NLRP1: variants seen among roughly 807,000 people sequenced by gnomAD.
NLRP1 encodes the protein NACHT, LRR and PYD domains-containing protein 1.
Under a neutral mutation model 136.7 loss-of-function variants are expected in NLRP1, and 94 were observed. That is an observed-to-expected ratio of 0.69 (90% CI 0.58 to 0.82). The LOEUF is 0.82. Among genes scored for constraint, NLRP1 ranks in the 40% least tolerant of loss-of-function variants. The pLI, the probability that NLRP1 is intolerant of heterozygous loss-of-function variation, is 0.00. For synonymous variants in NLRP1, 690 were observed against 725.1 expected, an observed-to-expected ratio of 0.95 and a Z score of 0.78; for missense variants, 1,575 against 1,802.7, an observed-to-expected ratio of 0.87 and a Z score of 2.29.
Position 5,558,195 on chromosome 17 carries a change from G to A in NLRP1, c.2357+144C>T, listed in dbSNP as rs1597457968. The stretch of plus-strand genomic sequence containing the variant: ...GTAGACAGAGCATGGTGGTCAGATT[G>A]GGCAGTTAGAAGTCACTGGAGACCC... On this transcript the variant is annotated intron_variant, in intron 4 of 16. Coordinates refer to ENST00000572272, the MANE Select transcript of NLRP1 (RefSeq NM_033004.4). 12 of 771,474 alleles carry A rather than the reference G, an allele frequency of 1.6e-5. No homozygotes were observed. The East Asian group carries it at 2.8e-4, about 18-fold the overall frequency. 47.8% of individuals were successfully genotyped at this position (771,474 alleles called of 1,614,324 possible). A position where few individuals can be genotyped will look rare whatever the true frequency, so the allele number is the denominator to read the frequency against.
chr17:5,580,616 G>A (rs1597489545), intron 3 of NLRP1, among the ~76,000 whole-genome samples: 1 of 152,134 alleles, frequency 6.6e-6, no homozygotes, highest in South Asian at 2.1e-4. Flanking sequence ...ATAGCAATGA[G>A]GTAGTCTTTG....
chr17:5,568,535 A>C (rs969814134), intron 3 of NLRP1, among the ~76,000 whole-genome samples: 2 of 152,154 alleles, frequency 1.3e-5, no homozygotes, highest in African/African-American at 2.4e-5. Flanking sequence ...AAGGTCACAT[A>C]TCTCTCTTTC....
At chr17:5,558,269 C>G in intron 4 of NLRP1, 70 bp downstream of exon 4, 2 of 1,503,650 alleles carry the variant, frequency 1.3e-6, no homozygotes, top group Non-Finnish European at 1.8e-6. Flanking sequence ...GAGCATGCCT[C>G]TGGTGCTCAG....
chr17:5,568,330 T>A (rs1915536970), intron 3 of NLRP1, among the ~76,000 whole-genome samples: 2 of 152,202 alleles, frequency 1.3e-5, no homozygotes, highest in Non-Finnish European at 2.9e-5. Context: ...GCTGGATCCA[T>A]TCTGCTATGA....
chr17:5,572,775 T>G (rs1904546835), intron 3 of NLRP1, among the ~76,000 whole-genome samples: 1 of 150,154 alleles, frequency 6.7e-6, no homozygotes, highest in Admixed American at 6.6e-5. Flanking sequence ...GACATACACA[T>G]GGCCAACAGC....
intron 5 of NLRP1, among the ~76,000 whole-genome samples, chr17:5,548,168 G>T (rs1323654670): frequency 6.6e-6 from 1 of 152,194 alleles, no homozygotes; most frequent in Admixed American, 6.5e-5. Flanking sequence ...GCCATTTGAA[G>T]ATCTTGCCTT....
intron 12 of NLRP1, among the ~76,000 whole-genome samples, chr17:5,527,938 G>A (rs34042511): frequency 0.37 from 55,786 of 152,122 alleles, 10,661 homozygotes; most frequent in Admixed American, 0.42. Flanking sequence ...ATCCACCTCT[G>A]AGAGTGGGGA....
chr17:5,536,445 CTTT>C (rs773821415), intron 8 of NLRP1, among the ~76,000 whole-genome samples: 1 of 77,794 alleles, frequency 1.3e-5, no homozygotes, highest in Non-Finnish European at 2.3e-5. Flanking sequence ...CCATGCCCGG[CTTT>C]TTTTTTTTTT....
chr17:5,557,276 A>T (rs188996196), intron 4 of NLRP1, among the ~76,000 whole-genome samples: 92 of 151,972 alleles, frequency 6.1e-4, no homozygotes, highest in Middle Eastern at 6.9e-3. Flanking sequence ...AAGTACTGGA[A>T]TTACAGGTGT....
intron 12 of NLRP1, chr17:5,530,163 G>A (rs973714164): frequency 2.1e-6 from 1 of 475,526 alleles, no homozygotes; most frequent in Non-Finnish European, 4.1e-6. Flanking sequence ...TCTTTGAAAA[G>A]CTTCTTCAAA....
chr17:5,575,582 A>AAC (rs1399603679), intron 3 of NLRP1, among the ~76,000 whole-genome samples: 1 of 152,214 alleles, frequency 6.6e-6, no homozygotes, highest in African/African-American at 2.4e-5. Flanking sequence ...AACTATCCTA[A>AAC]ATATATATGC....
chr17:5,509,292 C>T (rs904498353), downstream of NLRP1, among the ~76,000 whole-genome samples: 3 of 152,192 alleles, frequency 2.0e-5, no homozygotes, highest in African/African-American at 7.2e-5. Flanking sequence ...ATCATACAAC[C>T]TGACACAACA....
rs1039731151 is a variant in NLRP1, at chr17:5,550,492, A to G, written c.2528+2894T>C. Among the ~76,000 whole-genome samples, 3 of 152,194 alleles carry G rather than the reference A, an allele frequency of 2.0e-5. No homozygotes were observed. In the East Asian group the frequency reaches 5.8e-4, roughly 29 times the overall value. On this transcript the variant is annotated intron_variant, in intron 5 of 16. Transcript: ENST00000572272. ...CTAATTTGTTGGCTTACAATATTTC[A>G]TAATATTCACTTATAATCCTTTTAT...
chr17:5,517,944 C>T (rs1459107015), intron 14 of NLRP1, 57 bp from the exon 15 acceptor site: 1 of 1,581,904 alleles, frequency 6.3e-7, no homozygotes, highest in Non-Finnish European at 8.6e-7. Flanking sequence ...AAGGTCTTTC[C>T]CCACCTGACA....
chr17:5,539,477 G>C lies in NLRP1; in HGVS notation c.2808C>G (p.Asp936Glu). 6.2e-7 allele frequency: 1 copy of C among 1,614,156 alleles called. No homozygotes were observed. The highest frequency in any genetic ancestry group is 8.5e-7 in the Non-Finnish European group (1 of 1,180,036). Residue 936 changes from aspartate to glutamate, a missense_variant, in exon 7 of 17, where the codon GAC becomes GAG. By Grantham distance (45) the Asp-to-Glu change is conservative. Transcript: ENST00000572272. ...CCTCACAGAGCAGTCGCACGCCAAC[G>C]TCATCCAGGTTGTTCTGCTGCAGGT... The part of the protein sequence containing the change: ...ELDLQQNNLD[D>E]VGVRLLCEGL...
rs201871435 is a variant in NLRP1 at position 5,558,558 on chromosome 17, G to A, written c.2138C>T (p.Pro713Leu). 104 of 1,613,952 alleles carry A rather than the reference G, an allele frequency of 6.4e-5. No homozygotes were observed. The highest frequency in any genetic ancestry group is 2.6e-5 in the Non-Finnish European group (31 of 1,179,982). Residue 713 changes from proline to leucine, a missense_variant, in exon 4 of 17, where the codon CCA becomes CTA. Transcript: ENST00000572272. ...GCAGTGGAGGGACTCCAGAGAGTGT[G>A]GCTGCAGCAGCAGCTGCAGGGACGG... ...WVPSLQLLLQ[P>L]HSLESLHCLY... is the part of the protein sequence containing the mutation.
intron 12 of NLRP1, among the ~76,000 whole-genome samples, chr17:5,524,050 A>C (rs1909232926): frequency 6.6e-6 from 1 of 152,138 alleles, no homozygotes; most frequent in Non-Finnish European, 1.5e-5. Flanking sequence ...CAGCCTCCCG[A>C]GTAGCTGGGA....
chr17:5,531,944 A>G (rs538211819), intron 11 of NLRP1, among the ~76,000 whole-genome samples: 114 of 152,310 alleles, frequency 7.5e-4, no homozygotes, highest in Non-Finnish European at 1.4e-3. Context: ...TTGGATCCTG[A>G]TAAGAACACA....
chr17:5,577,142 C>T (rs945346530), intron 3 of NLRP1, among the ~76,000 whole-genome samples: 6 of 152,108 alleles, frequency 3.9e-5, no homozygotes, highest in Admixed American at 6.5e-5. Context: ...TATGGCAAAC[C>T]GACAGCCAAT....
Sources: allele counts gnomAD v4.1 joint callset (sites outside exome capture counted in the v4.1 genomes callset), GRCh38; gene constraint gnomAD v4.1.1; transcripts MANE v1.5; gene names NCBI Gene and HGNC (gene_info 2026-07-23, HGNC 2026-07-21).